Variants in PHACTR3 observed in about 807,000 individuals in gnomAD.
The protein encoded by PHACTR3 is phosphatase and actin regulator 3.
A neutral mutation model predicts 66.8 loss-of-function variants in PHACTR3; 16 were observed. The observed-to-expected ratio is 0.24, with a 90% confidence interval of 0.16 to 0.36. The LOEUF (loss-of-function observed/expected upper bound fraction) is 0.36. Among genes scored for constraint, PHACTR3 ranks in the 10% least tolerant of loss-of-function variants. The probability of loss-of-function intolerance (pLI) is 1.00; values close to 1 mark genes in which losing one functional copy is unlikely to be tolerated. For synonymous variants in PHACTR3, 323 were observed against 292.1 expected (o/e 1.11, Z -1.08); for missense variants, 647 against 719.9 (o/e 0.90, Z 1.16).
At chr20:59,722,445 C>T (rs1429958775) in intron 1 of PHACTR3, among the ~76,000 whole-genome samples, 1 of 152,090 alleles carries the variant, frequency 6.6e-6, no homozygotes, top group African/African-American at 2.4e-5. Context: ...CGATCAGGGA[C>T]TTCCCTGTGC....
intron 7 of PHACTR3, among the ~76,000 whole-genome samples, chr20:59,791,654 T>C (rs1314307318): frequency 1.3e-5 from 2 of 151,754 alleles, no homozygotes; most frequent in Non-Finnish European, 2.9e-5. Flanking sequence ...TTGTTACATA[T>C]GTGTACATGT....
chr20:59,685,890 C>G (rs562096943), intron 1 of PHACTR3, among the ~76,000 whole-genome samples: 23 of 152,330 alleles, frequency 1.5e-4, no homozygotes, highest in Non-Finnish European at 2.8e-4. Context: ...GAGGGGGCAG[C>G]CTTGCCTGTT....
chr20:59,666,748 A>G (rs1451502807), intron 1 of PHACTR3, among the ~76,000 whole-genome samples: 1 of 152,150 alleles, frequency 6.6e-6, no homozygotes, highest in Non-Finnish European at 1.5e-5. Context: ...CCACATGCAG[A>G]CTGAAGCAGG....
At chr20:59,772,425 A>G (rs2040390767) in intron 5 of PHACTR3, among the ~76,000 whole-genome samples, 1 of 152,190 alleles carries the variant, frequency 6.6e-6, no homozygotes. Context: ...GGGCAGCGTG[A>G]TTCACTCCAA....
intron 1 of PHACTR3, among the ~76,000 whole-genome samples, chr20:59,674,477 C>CTCT (rs2036324786): frequency 9.5e-6 from 1 of 105,686 alleles, no homozygotes; most frequent in African/African-American, 4.8e-5. Context: ...TCTCCTGTTC[C>CTCT]CCCTTGTTCT....
intron 1 of PHACTR3, among the ~76,000 whole-genome samples, chr20:59,704,561 T>TC (rs57771880): frequency 1.9e-3 from 223 of 116,064 alleles, no homozygotes; most frequent in African/African-American, 6.8e-3. Flanking sequence ...CTGAGAATAG[T>TC]CTTTTTTTTT....
chr20:59,641,152 C>T (rs772438044), intron 1 of PHACTR3, among the ~76,000 whole-genome samples: 4 of 152,032 alleles, frequency 2.6e-5, no homozygotes, highest in African/African-American at 9.7e-5. Flanking sequence ...TCTACCAATC[C>T]ATCCATCCAT....
intron 8 of PHACTR3, among the ~76,000 whole-genome samples, chr20:59,834,385 CCT>C (rs1227425098): frequency 2.6e-5 from 4 of 152,324 alleles, no homozygotes; most frequent in African/African-American, 4.8e-5. Flanking sequence ...CTTACCATTC[CCT>C]GTTTACAGAG....
chr20:59,653,373 C>G (rs577401023), intron 1 of PHACTR3, among the ~76,000 whole-genome samples: 1 of 151,910 alleles, frequency 6.6e-6, no homozygotes, highest in Non-Finnish European at 1.5e-5. Context: ...TTAATAGAGA[C>G]GGGGTTTCAC....
chr20:59,716,206 TTGTGTGTGTGTGTGTGTGTG>T (rs201782505), intron 1 of PHACTR3, among the ~76,000 whole-genome samples: 5,403 of 128,662 alleles, frequency 0.042, 194 homozygotes, highest in East Asian at 0.13. Flanking sequence ...CCTTCACCCT[TTGTGTGTGTGTGTGTGTGTG>T]TGTGTGTGTG....
At chr20:59,670,305 G>C (rs980342642) in intron 1 of PHACTR3, among the ~76,000 whole-genome samples, 30 of 152,210 alleles carry the variant, frequency 2.0e-4, no homozygotes, top group African/African-American at 7.0e-4. Context: ...AGGGCAATGG[G>C]TGCAGAGCCA....
chr20:59,654,888 AGTGT>A (rs2035566615), intron 1 of PHACTR3, among the ~76,000 whole-genome samples: 1 of 151,614 alleles, frequency 6.6e-6, no homozygotes, highest in African/African-American at 2.4e-5. Context: ...AAATTCATTC[AGTGT>A]GTGTATGTGT....
intron 1 of PHACTR3, among the ~76,000 whole-genome samples, chr20:59,667,408 T>C (rs2036030945): frequency 6.6e-6 from 1 of 152,216 alleles, no homozygotes; most frequent in African/African-American, 2.4e-5. Flanking sequence ...GCCCGTCTCA[T>C]TGTCTCATTT....
At chr20:59,793,235 G>A (rs774590732) in intron 7 of PHACTR3, among the ~76,000 whole-genome samples, 5 of 152,070 alleles carry the variant, frequency 3.3e-5, no homozygotes, top group Admixed American at 6.6e-5. Context: ...CTCCAGCTTC[G>A]TTCTTGCTCA....
chr20:59,743,083 A>G (rs1568769859), intron 1 of PHACTR3, 24 bp from the exon 2 acceptor site: 20 of 1,602,696 alleles, frequency 1.2e-5, no homozygotes, highest in Non-Finnish European at 1.7e-5. Context: ...CCACTTGAGG[A>G]CCCCCTTGGT....
At chr20:59,772,619 C>G (rs1196517585) in intron 5 of PHACTR3, among the ~76,000 whole-genome samples, 2 of 152,148 alleles carry the variant, frequency 1.3e-5, no homozygotes, top group Admixed American at 1.3e-4. Context: ...CGGGAGAGAT[C>G]TTCACATGCT....
At chr20:59,799,967 TTTCCATAGTTA>T (rs1326776371) in intron 7 of PHACTR3, among the ~76,000 whole-genome samples, 3 of 152,194 alleles carry the variant, frequency 2.0e-5, no homozygotes, top group Non-Finnish European at 4.4e-5. Flanking sequence ...TCTTTGACTA[TTTCCATAGTTA>T]TAATGGTTGC....
intron 7 of PHACTR3, among the ~76,000 whole-genome samples, chr20:59,784,102 T>G (rs2040822640): frequency 6.6e-6 from 1 of 152,156 alleles, no homozygotes; most frequent in African/African-American, 2.4e-5. Context: ...TTTAAGGGGC[T>G]TTGAGTGGCC....
chr20:59,835,257 G>A (rs1041672101), intron 8 of PHACTR3, among the ~76,000 whole-genome samples: 2 of 114,538 alleles, frequency 1.7e-5, no homozygotes, highest in Non-Finnish European at 3.5e-5. Context: ...GGACTGGGGA[G>A]GATTCCAGCC....
Sources: gnomAD v4.1 joint callset for allele counts (sites outside exome capture counted in the v4.1 genomes callset) on GRCh38, gnomAD v4.1.1 for gene constraint, MANE v1.5 for transcripts, NCBI Gene and HGNC (gene_info 2026-07-23, HGNC 2026-07-21) for gene names.